The following NBEA variants were observed in gnomAD, a reference collection of about 807,000 sequenced individuals.
The protein encoded by NBEA is neurobeachin.
A neutral mutation model predicts 343.4 loss-of-function variants in NBEA; 44 were observed. The observed-to-expected ratio is 0.13, with a 90% CI of 0.10 to 0.16. NBEA has a LOEUF of 0.16. Ranked by LOEUF, NBEA falls within the 10% of genes least tolerant of loss-of-function variation. NBEA has a pLI of 1.00. For synonymous variants in NBEA, 1,175 were observed against 1,238.7 expected, an observed-to-expected ratio of 0.95 and a Z score of 1.08; for missense variants, 2,555 against 3,631.3, an observed-to-expected ratio of 0.70 and a Z score of 7.62.
Position 35,419,558 on chromosome 13 carries a change from A to G in NBEA, c.6180-12711A>G, listed in dbSNP as rs187778293. On this transcript the variant is annotated intron_variant, in intron 38 of 58. Transcript: ENST00000379939. ...TTAGAAACTGCTTTTGGAAAAATGT[A>G]ATAAAACTCTAGACTTCTCCCTCAA... Among the ~76,000 whole-genome samples, 17 of 152,216 alleles carry G rather than the reference A, an allele frequency of 1.1e-4. No individual in the cohort carries two copies. In the East Asian group the frequency reaches 3.1e-3, roughly 28 times the overall value.
At chr13:35,296,372 C>T (rs1438189189) in intron 35 of NBEA, among the ~76,000 whole-genome samples, 9 of 147,820 alleles carry the variant, frequency 6.1e-5, no homozygotes, top group Non-Finnish European at 1.3e-4. Context: ...CAGAGCGAGA[C>T]TCAGTCTCAA....
intron 44 of NBEA, among the ~76,000 whole-genome samples, chr13:35,564,192 C>T (rs2153024016): frequency 6.6e-6 from 1 of 151,930 alleles, no homozygotes; most frequent in African/African-American, 2.4e-5. Context: ...TAACAGTTTT[C>T]CTTAATATAT....
At chr13:35,363,040 T>C (rs2040902896) in intron 38 of NBEA, among the ~76,000 whole-genome samples, 1 of 151,964 alleles carries the variant, frequency 6.6e-6, no homozygotes, top group Non-Finnish European at 1.5e-5. Flanking sequence ...GTTTCCCTTA[T>C]CTTCAGACCT....
chr13:35,307,820 G>A (rs2036999040), intron 35 of NBEA, among the ~76,000 whole-genome samples: 1 of 152,048 alleles, frequency 6.6e-6, no homozygotes, highest in African/African-American at 2.4e-5. Context: ...AATATAGAAT[G>A]AGAATAACAA....
chr13:35,210,369 G>T (rs549848003), intron 32 of NBEA, among the ~76,000 whole-genome samples: 1 of 151,952 alleles, frequency 6.6e-6, no homozygotes, highest in Non-Finnish European at 1.5e-5. Context: ...TTGGCACATA[G>T]GTGCTATAAA....
intron 1 of NBEA, among the ~76,000 whole-genome samples, chr13:34,968,554 G>C (rs182843825): frequency 6.6e-6 from 1 of 152,062 alleles, no homozygotes; most frequent in Admixed American, 6.6e-5. Context: ...TATACGATAG[G>C]CAGCCATTAC....
chr13:35,104,341 T>A (rs1054947505), intron 11 of NBEA, among the ~76,000 whole-genome samples: 2 of 151,972 alleles, frequency 1.3e-5, no homozygotes, highest in Non-Finnish European at 2.9e-5. Context: ...ATGTTTTATA[T>A]TTTTTACTAA....
chr13:35,110,534 A>C (rs1206105703), intron 12 of NBEA, among the ~76,000 whole-genome samples: 2 of 152,088 alleles, frequency 1.3e-5, no homozygotes, highest in Non-Finnish European at 2.9e-5. Context: ...TTTTTATCAG[A>C]TTAATTTCAA....
intron 38 of NBEA, among the ~76,000 whole-genome samples, chr13:35,415,778 T>C (rs1594550149): frequency 6.6e-6 from 1 of 152,274 alleles, no homozygotes; most frequent in Admixed American, 6.5e-5. Context: ...AAAAAAGTCA[T>C]TGGTAGCTTG....
chr13:35,126,988 T>A (rs1213018819), intron 17 of NBEA, among the ~76,000 whole-genome samples: 1 of 151,008 alleles, frequency 6.6e-6, no homozygotes, highest in African/African-American at 2.4e-5. Context: ...AAAAGCAGAA[T>A]AATGGAACAA....
intron 38 of NBEA, among the ~76,000 whole-genome samples, chr13:35,408,124 C>A (rs2043374740): frequency 6.6e-6 from 1 of 152,120 alleles, no homozygotes; most frequent in South Asian, 2.1e-4. Context: ...TACAGGGCTA[C>A]AGTAACCAAA....
At chr13:35,086,479 A>G (rs2064769398) in intron 10 of NBEA, among the ~76,000 whole-genome samples, 1 of 151,924 alleles carries the variant, frequency 6.6e-6, no homozygotes, top group Non-Finnish European at 1.5e-5. Context: ...CTCTGTATCT[A>G]TCTTTTTACT....
At chr13:35,398,470 A>G (rs1179924984) in intron 38 of NBEA, among the ~76,000 whole-genome samples, 1 of 152,142 alleles carries the variant, frequency 6.6e-6, no homozygotes, top group Non-Finnish European at 1.5e-5. Flanking sequence ...TGTGTTTCTT[A>G]AATAACAAAA....
chr13:35,095,367 A>C, intron 10 of NBEA, among the ~76,000 whole-genome samples: 1 of 151,300 alleles, frequency 6.6e-6, no homozygotes, highest in East Asian at 1.9e-4. Context: ...GTTAATAAAT[A>C]TTCTCAGGTA....
intron 36 of NBEA, among the ~76,000 whole-genome samples, chr13:35,334,139 T>C (rs187059688): frequency 3.5e-4 from 53 of 152,228 alleles, no homozygotes; most frequent in Non-Finnish European, 4.4e-5. Context: ...TCTTACTGGG[T>C]TGTACTAATT....
chr13:34,985,547 G>A (rs2060513975), intron 1 of NBEA, among the ~76,000 whole-genome samples: 1 of 150,914 alleles, frequency 6.6e-6, no homozygotes, highest in Non-Finnish European at 1.5e-5. Context: ...GATGATGCTG[G>A]CCTCATAAAA....
intron 36 of NBEA, among the ~76,000 whole-genome samples, chr13:35,348,325 G>T (rs893195182): frequency 6.6e-6 from 1 of 152,048 alleles, no homozygotes; most frequent in African/African-American, 2.4e-5. Context: ...TGTGGGAAAA[G>T]AATATATTTG....
intron 48 of NBEA, among the ~76,000 whole-genome samples, chr13:35,625,461 A>G (rs1253637490): frequency 6.6e-6 from 1 of 151,974 alleles, no homozygotes; most frequent in Non-Finnish European, 1.5e-5. Context: ...TGCAATACAA[A>G]AATACAAAAA....
intron 1 of NBEA, among the ~76,000 whole-genome samples, chr13:35,009,716 G>T (rs192293818): frequency 6.6e-6 from 1 of 152,112 alleles, no homozygotes; most frequent in African/African-American, 2.4e-5. Flanking sequence ...CTGGTATTTC[G>T]GAATAAACCA....
Sources: allele counts gnomAD v4.1 joint callset (sites outside exome capture counted in the v4.1 genomes callset), GRCh38; gene constraint gnomAD v4.1.1; transcripts MANE v1.5; gene names NCBI Gene and HGNC (gene_info 2026-07-23, HGNC 2026-07-21).